The following KCNQ1 variants were observed in gnomAD, a reference collection of about 807,000 sequenced individuals.
The protein encoded by KCNQ1 is potassium voltage-gated channel subfamily Q member 1.
A neutral mutation model predicts 72.4 loss-of-function variants in KCNQ1; 49 were observed. The ratio of observed to expected loss-of-function variants is 0.68; its 90% CI spans 0.54 to 0.86. KCNQ1 has a LOEUF of 0.86. KCNQ1 is among the 40% of genes least tolerant of loss of function. KCNQ1 has a pLI of 0.00. For missense variants in KCNQ1, 790 were observed against 945.1 expected (o/e 0.84, Z 2.15); for synonymous variants, 450 against 412.6 (o/e 1.09, Z -1.10).
chr11:2,580,470 A>G (rs1848482729), intron 6 of KCNQ1, among the ~76,000 whole-genome samples: 1 of 152,376 alleles, frequency 6.6e-6, no homozygotes, highest in African/African-American at 2.4e-5. Context: ...TTATCGAAAG[A>G]AAAATATGCA....
rs1184604652 is a variant in KCNQ1, at chr11:2,687,174, G to C, written c.1514+25093G>C. The C allele has an allele frequency of 2.5e-6, 1 of 398,500 alleles. No homozygotes were observed. The highest frequency in any genetic ancestry group is 4.4e-6 in the Non-Finnish European group (1 of 226,082). 24.7% of individuals were successfully genotyped at this position (398,500 alleles called of 1,614,324 possible). A position where few individuals can be genotyped will look rare whatever the true frequency, so the allele number is the denominator to read the frequency against. ...CTTCCTCCACAAAGCACAGAAGTCT[G>C]CCAAAAGCCCAGGCTGGATAGGGAG... On this transcript the variant is annotated intron_variant, in intron 11 of 15. Coordinates refer to ENST00000155840, the MANE Select transcript of KCNQ1 (RefSeq NM_000218.3). This position sits in a 1 kb window ranked among gnomAD's most constrained non-coding sequence, Gnocchi z 5.0.
intron 10 of KCNQ1, among the ~76,000 whole-genome samples, chr11:2,605,018 G>A (rs12285012): frequency 0.014 from 2,091 of 152,230 alleles, 29 homozygotes; most frequent in Middle Eastern, 0.058. Flanking sequence ...CTCCTTTTGG[G>A]TGTGATTTGC....
Position 2,748,622 on chromosome 11 carries a change from G to A in KCNQ1, c.1515-20222G>A, listed in dbSNP as rs1846174664. Among the ~76,000 whole-genome samples, 1 of 152,216 alleles carries A rather than the reference G, an allele frequency of 6.6e-6. No homozygotes were observed. On this transcript the variant is annotated intron_variant, in intron 11 of 15. Coordinates refer to ENST00000155840, the MANE Select transcript of KCNQ1 (RefSeq NM_000218.3). The surrounding 1 kb of genome is among the most constrained non-coding windows in gnomAD (Gnocchi z 6.2). ...GAGCCCCAGCCAGCCTGGAATGTGG[G>A]GGCTCAGAGGCCACCCAGAGCCCAC... is the stretch of plus-strand genomic sequence containing the variant.
At chr11:2,802,720 A>AG (rs1419190969) in intron 15 of KCNQ1, among the ~76,000 whole-genome samples, 1 of 152,138 alleles carries the variant, frequency 6.6e-6, no homozygotes, top group African/African-American at 2.4e-5. Flanking sequence ...TCCAGGAAGG[A>AG]GGCGTTTGCA....
chr11:2,656,977 AG>A, intron 10 of KCNQ1: 1 of 398,620 alleles, frequency 2.5e-6, no homozygotes, highest in Non-Finnish European at 4.4e-6. Context: ...TTGATTGAAA[AG>A]TCCATGCTCT....
At chr11:2,737,620 C>G (rs563196088) in intron 11 of KCNQ1, among the ~76,000 whole-genome samples, 4 of 152,246 alleles carry the variant, frequency 2.6e-5, no homozygotes, top group Non-Finnish European at 4.4e-5. Context: ...ACTCCGTTCA[C>G]GGCGAAGAAG....
chr11:2,584,597 G>C (rs377647807), intron 7 of KCNQ1, among the ~76,000 whole-genome samples: 15 of 151,194 alleles, frequency 9.9e-5, no homozygotes, highest in African/African-American at 3.2e-4. Context: ...TTGTGGGTTA[G>C]TGTGTGTTAG....
Position 2,690,276 on chromosome 11 carries a change from T to C in KCNQ1, c.1514+28195T>C. The C allele has an allele frequency of 2.5e-6, 1 of 398,722 alleles. No individual in the cohort carries two copies. The highest frequency in any genetic ancestry group is 4.4e-5 in the Admixed American group (1 of 22,744). The allele number at this position is 398,722 out of a possible 1,614,324, so 24.7% of individuals were successfully genotyped here. On this transcript the variant is annotated intron_variant, in intron 11 of 15. Transcript: ENST00000155840. The surrounding 1 kb of genome is among the most constrained non-coding windows in gnomAD (Gnocchi z 5.1). ...AGCTGCTCCTTGCTGCATCTGCACA[T>C]ATGTGTAGTGTCTTCCTCCCTGTAG...
At chr11:2,667,257 A>C (rs1259512417) in intron 11 of KCNQ1, 1 of 398,510 alleles carries the variant, frequency 2.5e-6, no homozygotes, top group African/African-American at 2.1e-5. Context: ...CGTGAGGAAG[A>C]AGCGGCTGGC....
chr11:2,643,482 G>T (rs576675396), intron 10 of KCNQ1: 3 of 398,264 alleles, frequency 7.5e-6, no homozygotes, highest in Non-Finnish European at 8.9e-6. Flanking sequence ...CTCCTGTTTG[G>T]TTTTTGTTTC....
In KCNQ1 at chr11:2,848,298, G is replaced by A. The variant is rs1296388392; in HGVS notation, c.*295G>A. 3.2e-6 allele frequency: 2 copies of A among 629,966 alleles called. No homozygotes were observed. Among genetic ancestry groups the A allele is most frequent in the Admixed American group, 2.2e-5 (1 of 45,898 alleles). 39.0% of individuals were successfully genotyped at this position (629,966 alleles called of 1,614,324 possible). ...TCACTGGCATGGTGGTTGGGACCCAGTGGCAGGGCACAGGGCCTGGCCCAT... is the reference window on the plus strand; with the variant it reads ...TCACTGGCATGGTGGTTGGGACCCAATGGCAGGGCACAGGGCCTGGCCCAT... On this transcript the variant is annotated 3_prime_UTR_variant, in exon 16 of 16. Transcript: ENST00000155840.
intron 10 of KCNQ1, among the ~76,000 whole-genome samples, chr11:2,606,942 AC>A (rs1848891238): frequency 8.2e-6 from 1 of 122,154 alleles, no homozygotes; most frequent in African/African-American, 3.3e-5. Flanking sequence ...TCGCTCTGTC[AC>A]CCAGGCTGGA....
At position 2,691,794 on chromosome 11, in the gene KCNQ1, CAG is replaced by C. The variant is rs1350966331; in HGVS notation, c.1514+29717_1514+29718del. 1 of 398,686 alleles carries C rather than the reference CAG, an allele frequency of 2.5e-6. No individual in the cohort carries two copies. Among genetic ancestry groups the C allele is most frequent in the Non-Finnish European group, 4.4e-6 (1 of 226,130 alleles). The allele number at this position is 398,686 out of a possible 1,614,324, so 24.7% of individuals were successfully genotyped here. On this transcript the variant is annotated intron_variant, in intron 11 of 15. Transcript: ENST00000155840. The surrounding 1 kb of genome is among the most constrained non-coding windows in gnomAD (Gnocchi z 6.4). The stretch of plus-strand genomic sequence containing the variant: ...CCAGTGGCCATCCACTGCCAGCAAT[CAG>C]AGAATCACAAGCACTGGATCCAATG...
At position 2,748,590 on chromosome 11, in the gene KCNQ1, G is replaced by A. The variant is rs1165170935; in HGVS notation, c.1515-20254G>A. Among the ~76,000 whole-genome samples, 1 of 152,230 alleles carries A rather than the reference G, an allele frequency of 6.6e-6. No homozygotes were observed. Among genetic ancestry groups the A allele is most frequent in the African/African-American group, 2.4e-5 (1 of 41,464 alleles). On this transcript the variant is annotated intron_variant, in intron 11 of 15. Coordinates refer to ENST00000155840, the MANE Select transcript of KCNQ1 (RefSeq NM_000218.3). This position sits in a 1 kb window ranked among gnomAD's most constrained non-coding sequence, Gnocchi z 6.2. ...AACCAGGACCCAGCATGAAACTGCAGGTGCAGGAGCCCCAGCCAGCCTGGA... is the reference window on the plus strand; with the variant it reads ...AACCAGGACCCAGCATGAAACTGCAAGTGCAGGAGCCCCAGCCAGCCTGGA...
In KCNQ1 at chr11:2,735,571, T is replaced by C. The variant is rs963791873; in HGVS notation, c.1515-33273T>C. ...ACCACCCTCTCCCTCCTCACCATTTTCTGTTGAGCACACTTGAGGAGCACT... is the reference window on the plus strand; with the variant it reads ...ACCACCCTCTCCCTCCTCACCATTTCCTGTTGAGCACACTTGAGGAGCACT... On this transcript the variant is annotated intron_variant, in intron 11 of 15. Transcript: ENST00000155840. This position sits in a 1 kb window ranked among gnomAD's most constrained non-coding sequence, Gnocchi z 7.7. Among the ~76,000 whole-genome samples the C allele has an allele frequency of 6.6e-6, 1 of 152,108 alleles. No homozygotes were observed. The highest frequency in any genetic ancestry group is 2.4e-5 in the African/African-American group (1 of 41,418).
Position 2,664,022 on chromosome 11 carries a change from G to A in KCNQ1, c.1514+1941G>A. 1 of 398,744 alleles carries A rather than the reference G, an allele frequency of 2.5e-6. No homozygotes were observed. 24.7% of individuals were successfully genotyped at this position (398,744 alleles called of 1,614,324 possible). ...GGTCTGGCACATTACCATTCTGCAAGATCCTGCAGCCTTTTCAGGTTGGCA... is the reference window on the plus strand; with the variant it reads ...GGTCTGGCACATTACCATTCTGCAAAATCCTGCAGCCTTTTCAGGTTGGCA... On this transcript the variant is annotated intron_variant, in intron 11 of 15. Coordinates refer to ENST00000155840, the MANE Select transcript of KCNQ1 (RefSeq NM_000218.3). This position sits in a 1 kb window ranked among gnomAD's most constrained non-coding sequence, Gnocchi z 5.1.
intron 11 of KCNQ1, chr11:2,667,164 G>GC (rs961089463): frequency 5.0e-6 from 2 of 398,544 alleles, no homozygotes; most frequent in Non-Finnish European, 8.8e-6. Context: ...CCTCAATCTG[G>GC]CTTCCAGCCT....
At chr11:2,839,942 C>T (rs554325823) in intron 15 of KCNQ1, 6 of 152,316 alleles carry the variant, frequency 3.9e-5, no homozygotes, top group African/African-American at 1.4e-4. Context: ...GTCTCTAGGG[C>T]AGTTCTGCGT....
intron 11 of KCNQ1, among the ~76,000 whole-genome samples, chr11:2,749,336 C>A (rs2133960757): frequency 6.6e-6 from 1 of 152,170 alleles, no homozygotes; most frequent in South Asian, 2.1e-4. Context: ...GGGGGGCAAG[C>A]ACAGATGAGG....
Sources: allele counts gnomAD v4.1 joint callset (sites outside exome capture counted in the v4.1 genomes callset), GRCh38; gene constraint gnomAD v4.1.1; non-coding constraint Gnocchi (gnomAD v3.1); transcripts MANE v1.5; gene names NCBI Gene and HGNC (gene_info 2026-07-23, HGNC 2026-07-21).